Variants in ARHGEF10L observed in about 807,000 individuals in gnomAD.
The protein encoded by ARHGEF10L is rho guanine nucleotide exchange factor 10-like protein.
In ARHGEF10L, 69 loss-of-function variants were observed where a neutral mutation model predicts 141.2. That is an observed-to-expected ratio of 0.49 (90% CI 0.40 to 0.60). The LOEUF (loss-of-function observed/expected upper bound fraction) is 0.60, where lower values mean the gene tolerates loss of function less well. Among genes scored for constraint, ARHGEF10L ranks in the 20% least tolerant of loss-of-function variants. The pLI, the probability that ARHGEF10L is intolerant of heterozygous loss-of-function variation, is 0.00. For missense variants in ARHGEF10L, 1,482 were observed against 1,734.3 expected (o/e 0.85, Z 2.58); for synonymous variants, 711 against 718.5 (o/e 0.99, Z 0.17).
At chr1:17,527,954 C>T in the ARHGEF10L span, among the ~76,000 whole-genome samples, 1 of 151,354 alleles carries the variant, frequency 6.6e-6, no homozygotes, top group African/African-American at 2.4e-5. Flanking sequence ...CTGCAACCTC[C>T]GCCTCCTGGG....
intron 26 of ARHGEF10L, among the ~76,000 whole-genome samples, chr1:17,677,484 TGGCCCAG>T (rs1453494696): frequency 6.6e-6 from 1 of 152,260 alleles, no homozygotes; most frequent in Non-Finnish European, 1.5e-5. Context: ...CCAGGCCTTC[TGGCCCAG>T]GGTGGGCACT....
At chr1:17,578,203 C>T (rs1416408979) in intron 1 of ARHGEF10L, among the ~76,000 whole-genome samples, 1 of 152,178 alleles carries the variant, frequency 6.6e-6, no homozygotes, top group Non-Finnish European at 1.5e-5. Flanking sequence ...CAGAGAAAGG[C>T]TGAGCAGACC....
the ARHGEF10L span, among the ~76,000 whole-genome samples, chr1:17,530,670 G>C: frequency 6.6e-6 from 1 of 152,130 alleles, no homozygotes; most frequent in Admixed American, 6.6e-5. Flanking sequence ...CCTCAGGCAG[G>C]CTGCTTACCT....
In ARHGEF10L at chr1:17,607,241, G is replaced by A. The variant is rs984023506; in HGVS notation, c.434-561G>A. On this transcript the variant is annotated intron_variant, in intron 6 of 28. Transcript: ENST00000361221. This position sits in a 1 kb window ranked among gnomAD's most constrained non-coding sequence, Gnocchi z 4.5. ...TGTAACCCTGGCACTTTGGGAGGCC[G>A]TGGCAGGAGGATCACTTGAGTCCAG... Among the ~76,000 whole-genome samples, 6 of 152,296 alleles carry A rather than the reference G, an allele frequency of 3.9e-5. No homozygotes were observed. In the South Asian group the frequency reaches 6.2e-4, roughly 16 times the overall value.
chr1:17,572,936 C>G lies in ARHGEF10L; in HGVS notation c.-43-7617C>G, dbSNP rs1408282449. 1.3e-5 allele frequency among the ~76,000 whole-genome samples: 2 copies of G among 152,156 alleles called. 1 individual carries two copies. Among genetic ancestry groups the G allele is most frequent in the South Asian group, 4.1e-4 (2 of 4,830 alleles). Reference sequence around the variant, plus strand: ...GCCCTGAGGTGTAGCAGGAGCAACGCTGCCCCTCCCTTTGGCTCCACCCTG... The same window carrying G: ...GCCCTGAGGTGTAGCAGGAGCAACGGTGCCCCTCCCTTTGGCTCCACCCTG... On this transcript the variant is annotated intron_variant, in intron 1 of 28. Coordinates refer to ENST00000361221, the MANE Select transcript of ARHGEF10L (RefSeq NM_018125.4).
intron 3 of ARHGEF10L, among the ~76,000 whole-genome samples, chr1:17,588,109 G>T (rs2079179263): frequency 6.6e-6 from 1 of 152,204 alleles, no homozygotes; most frequent in South Asian, 2.1e-4. Context: ...GAGAATCTGG[G>T]GACTGGACCA....
intron 1 of ARHGEF10L, among the ~76,000 whole-genome samples, chr1:17,580,095 G>A (rs541368567): frequency 3.3e-5 from 5 of 152,354 alleles, no homozygotes; most frequent in East Asian, 1.9e-4. Flanking sequence ...CAGGGCTACC[G>A]GAAGGGACTG....
intron 21 of ARHGEF10L, among the ~76,000 whole-genome samples, chr1:17,647,167 A>C (rs2061655262): frequency 6.6e-6 from 1 of 152,134 alleles, no homozygotes; most frequent in Non-Finnish European, 1.5e-5. Context: ...GCGGTTGCTG[A>C]AGGCTGCCTG....
rs1262550931 is a variant in ARHGEF10L, at chr1:17,587,493, C to T, written c.71C>T (p.Ser24Phe). 1 of 1,614,122 alleles carries T rather than the reference C, an allele frequency of 6.2e-7. No homozygotes were observed. Among genetic ancestry groups the T allele is most frequent in the East Asian group, 2.2e-5 (1 of 44,872 alleles). The change falls in exon 3 of 29, where the codon TCC (serine) becomes TTC (phenylalanine). Residue 24 changes from serine (S) to phenylalanine (F), a missense_variant. This residue lies in a region of ARHGEF10L where 232 missense variants were observed against 225.9 expected (regional missense o/e 1.03). Coordinates refer to ENST00000361221, the MANE Select transcript of ARHGEF10L (RefSeq NM_018125.4). ...DQLVPGVPGPSSEAEDDPGEA... is the reference protein window; with the variant it reads ...DQLVPGVPGPFSEAEDDPGEA... The stretch of plus-strand genomic sequence containing the variant: ...CTGGTTCCAGGAGTCCCAGGCCCCT[C>T]CTCTGAGGCAGAGGACGACCCAGGA...
chr1:17,529,824 CTTTTTTTTTTTT>C, the ARHGEF10L span, among the ~76,000 whole-genome samples: 9 of 67,156 alleles, frequency 1.3e-4, no homozygotes, highest in African/African-American at 5.3e-4. Flanking sequence ...ACACATCAGT[CTTTTTTTTTTTT>C]TTTTTTTTTT....
intron 1 of ARHGEF10L, among the ~76,000 whole-genome samples, chr1:17,565,705 G>A (rs868197596): frequency 5.9e-5 from 9 of 152,166 alleles, no homozygotes; most frequent in Non-Finnish European, 1.3e-4. Flanking sequence ...GGGACACAGG[G>A]CAGGAGGGTG....
intron 20 of ARHGEF10L, 107 bp from the exon 21 acceptor site, chr1:17,640,095 C>T: frequency 1.3e-6 from 2 of 1,503,684 alleles, no homozygotes; most frequent in Non-Finnish European, 1.8e-6. Flanking sequence ...GACCAGACCT[C>T]CTTGATCTCC....
At chr1:17,540,340 G>A (rs573870079) in intron 1 of ARHGEF10L, among the ~76,000 whole-genome samples, 1 of 151,708 alleles carries the variant, frequency 6.6e-6, no homozygotes, top group East Asian at 2.0e-4. Context: ...CCCTGGGATC[G>A]GGTGAAGTCA....
chr1:17,630,423 C>A (rs1351300699), intron 15 of ARHGEF10L, among the ~76,000 whole-genome samples: 1 of 152,230 alleles, frequency 6.6e-6, no homozygotes, highest in Non-Finnish European at 1.5e-5. Flanking sequence ...GCGGGGGGCC[C>A]TGCTGTCTTC....
rs2062241085 is a variant in ARHGEF10L at position 17,656,242 on chromosome 1, G to A, written c.2705+140G>A. 9.1e-7 allele frequency: 1 copy of A among 1,099,976 alleles called. No individual in the cohort carries two copies. Among genetic ancestry groups the A allele is most frequent in the African/African-American group, 1.6e-5 (1 of 64,364 alleles). The allele number at this position is 1,099,976 out of a possible 1,614,324, so 68.1% of individuals were successfully genotyped here. A position where few individuals can be genotyped will look rare whatever the true frequency, so the allele number is the denominator to read the frequency against. ...GGTCTCCAGGAAGGTGGGCACCAGAGCTGCCCAGTGTGGGAGCCAAAGTGT... is the reference window on the plus strand; with the variant it reads ...GGTCTCCAGGAAGGTGGGCACCAGAACTGCCCAGTGTGGGAGCCAAAGTGT... On this transcript the variant is annotated intron_variant, in intron 24 of 28. Coordinates refer to ENST00000361221, the MANE Select transcript of ARHGEF10L (RefSeq NM_018125.4). The surrounding 1 kb of genome is among the most constrained non-coding windows in gnomAD (Gnocchi z 4.9).
intron 4 of ARHGEF10L, among the ~76,000 whole-genome samples, chr1:17,596,916 G>A (rs1375673510): frequency 2.0e-5 from 3 of 152,208 alleles, no homozygotes; most frequent in Non-Finnish European, 2.9e-5. Flanking sequence ...GTAGATGGGC[G>A]TGGTGGCACA....
At chr1:17,684,558 T>A (rs2064404505) in intron 26 of ARHGEF10L, among the ~76,000 whole-genome samples, 1 of 152,000 alleles carries the variant, frequency 6.6e-6, no homozygotes, top group Admixed American at 6.5e-5. Flanking sequence ...CCCCGATACC[T>A]CTGGAGCCCT....
rs1557901094 is a variant in ARHGEF10L, at chr1:17,639,990, C to T, written c.2172-212C>T. On this transcript the variant is annotated intron_variant, in intron 20 of 28. Transcript: ENST00000361221. This position sits in a 1 kb window ranked among gnomAD's most constrained non-coding sequence, Gnocchi z 4.3. ...TCAGCCACCCTGGCCAGGTACCTCCCTCTGGGGGTCATTGTGGGCGGAGGG... is the reference window on the plus strand; with the variant it reads ...TCAGCCACCCTGGCCAGGTACCTCCTTCTGGGGGTCATTGTGGGCGGAGGG... 1 of 1,483,586 alleles carries T rather than the reference C, an allele frequency of 6.7e-7. No individual in the cohort carries two copies. The highest frequency in any genetic ancestry group is 2.2e-5 in the Admixed American group (1 of 45,632). 91.9% of individuals were successfully genotyped at this position (1,483,586 alleles called of 1,614,324 possible).
At chr1:17,566,942 A>G (rs570272247) in intron 1 of ARHGEF10L, among the ~76,000 whole-genome samples, 7 of 152,188 alleles carry the variant, frequency 4.6e-5, no homozygotes, top group African/African-American at 7.2e-5. Flanking sequence ...TTGAACTTAA[A>G]AGTCCCCAGA....
Sources: gnomAD v4.1 joint callset for allele counts (sites outside exome capture counted in the v4.1 genomes callset) on GRCh38, gnomAD v4.1.1 for gene constraint, gnomAD v4.1.1 regional missense constraint, Gnocchi (gnomAD v3.1) non-coding constraint, MANE v1.5 for transcripts, NCBI Gene and HGNC (gene_info 2026-07-23, HGNC 2026-07-21) for gene names.